The following MBOAT1 variants were observed in gnomAD, a reference collection of about 807,000 sequenced individuals.
The protein encoded by MBOAT1 is membrane bound glycerophospholipid O-acyltransferase 1.
A neutral mutation model predicts 64.4 loss-of-function variants in MBOAT1; 67 were observed. The observed-to-expected ratio is 1.04, with a 90% CI of 0.85 to 1.27. The LOEUF (loss-of-function observed/expected upper bound fraction) is 1.27. MBOAT1 is among the 50% of genes most tolerant of loss of function. MBOAT1 has a pLI of 0.00. For missense variants in MBOAT1, 563 were observed against 604.6 expected (o/e 0.93, Z 0.72); for synonymous variants, 229 against 218.9 (o/e 1.05, Z -0.41).
chr6:20,193,604 CTTTTTTT>C (rs367932037), intron 1 of MBOAT1, among the ~76,000 whole-genome samples: 1 of 129,740 alleles, frequency 7.7e-6, no homozygotes, highest in Non-Finnish European at 1.6e-5. Context: ...ACCAAAAATC[CTTTTTTT>C]TTTTTTTTTT....
At chr6:20,117,694 G>A (rs1174465723) in intron 9 of MBOAT1, among the ~76,000 whole-genome samples, 1 of 152,178 alleles carries the variant, frequency 6.6e-6, no homozygotes, top group East Asian at 1.9e-4. Context: ...TGTCTGCCCT[G>A]TGGCAGGTGG....
intron 1 of MBOAT1, among the ~76,000 whole-genome samples, chr6:20,207,832 A>G (rs1037958115): frequency 6.6e-6 from 1 of 152,248 alleles, no homozygotes; most frequent in African/African-American, 2.4e-5. Flanking sequence ...CGACGGCACC[A>G]TCTACAAACC....
intron 5 of MBOAT1, 118 bp from the exon 6 acceptor site, chr6:20,128,871 T>C (rs1035174584): frequency 4.7e-5 from 34 of 716,814 alleles, no homozygotes; most frequent in Middle Eastern, 7.4e-4. Context: ...TCATAAATCA[T>C]AAAGAGTTCC....
chr6:20,113,044 C>T (rs1229058778), intron 10 of MBOAT1, 36 bp from the exon 11 acceptor site: 46 of 1,600,356 alleles, frequency 2.9e-5, no homozygotes, highest in Non-Finnish European at 3.8e-5. Flanking sequence ...ACAGGTGAAA[C>T]ATACCAGAAA....
intron 5 of MBOAT1, among the ~76,000 whole-genome samples, chr6:20,129,335 G>A (rs905070816): frequency 2.6e-5 from 4 of 152,152 alleles, no homozygotes; most frequent in Non-Finnish European, 4.4e-5. Flanking sequence ...TCATTCGTCC[G>A]AATCAGAAAA....
intron 12 of MBOAT1, among the ~76,000 whole-genome samples, chr6:20,103,887 T>A (rs1398423685): frequency 6.6e-6 from 1 of 152,248 alleles, no homozygotes; most frequent in Non-Finnish European, 1.5e-5. Flanking sequence ...ATGGTGTTTC[T>A]AAAGTCTACA....
At chr6:20,209,210 T>C (rs1316158482) in intron 1 of MBOAT1, among the ~76,000 whole-genome samples, 1 of 152,234 alleles carries the variant, frequency 6.6e-6, no homozygotes, top group African/African-American at 2.4e-5. Flanking sequence ...GAAGCATCTA[T>C]AGAGGCCCCT....
chr6:20,148,306 A>G (rs1003626964), intron 3 of MBOAT1, among the ~76,000 whole-genome samples: 1 of 152,164 alleles, frequency 6.6e-6, no homozygotes, highest in Non-Finnish European at 1.5e-5. Flanking sequence ...AATCTCAGCT[A>G]CTTGGGAGGC....
chr6:20,176,713 T>A (rs1010585494), intron 1 of MBOAT1, among the ~76,000 whole-genome samples: 1 of 152,178 alleles, frequency 6.6e-6, no homozygotes, highest in African/African-American at 2.4e-5. Flanking sequence ...AACCTCTGCC[T>A]CCTGGGTTCA....
At chr6:20,156,532 G>A (rs954121172) in intron 1 of MBOAT1, among the ~76,000 whole-genome samples, 15 of 152,224 alleles carry the variant, frequency 9.9e-5, no homozygotes, top group African/African-American at 3.6e-4. Context: ...GAGGGTTCTA[G>A]CAGATATAGG....
chr6:20,175,340 C>G (rs1243659553), intron 1 of MBOAT1, among the ~76,000 whole-genome samples: 1 of 151,950 alleles, frequency 6.6e-6, no homozygotes, highest in Non-Finnish European at 1.5e-5. Flanking sequence ...AACCCTGTAA[C>G]CTCAAAATCC....
intron 11 of MBOAT1, 23 bp downstream of exon 11, chr6:20,112,853 C>A (rs1295074471): frequency 6.2e-7 from 1 of 1,606,846 alleles, no homozygotes; most frequent in African/African-American, 1.3e-5. Flanking sequence ...AGGGGAAAGA[C>A]CCTAGGCCTA....
At chr6:20,205,680 T>C (rs982700370) in intron 1 of MBOAT1, among the ~76,000 whole-genome samples, 1 of 152,148 alleles carries the variant, frequency 6.6e-6, no homozygotes, top group Non-Finnish European at 1.5e-5. Flanking sequence ...TCTGCAACTC[T>C]GTGGACCTGG....
chr6:20,158,821 C>T (rs1236493003), intron 1 of MBOAT1, among the ~76,000 whole-genome samples: 1 of 152,190 alleles, frequency 6.6e-6, no homozygotes, highest in Non-Finnish European at 1.5e-5. Context: ...CAGAAATGCT[C>T]AACATCTCTA....
Position 20,100,591 on chromosome 6 carries a change from G to C in MBOAT1, c.*1695C>G, listed in dbSNP as rs1759758960. Among the ~76,000 whole-genome samples, 1 of 152,122 alleles carries C rather than the reference G, an allele frequency of 6.6e-6. No homozygotes were observed. Among genetic ancestry groups the C allele is most frequent in the Admixed American group, 6.6e-5 (1 of 15,262 alleles). ...CCAGGACTGTTTACATGCTGTAGAG[G>C]AACAGGCACATCACATTCACATTTC... On this transcript the variant is annotated 3_prime_UTR_variant, in exon 13 of 13. Transcript: ENST00000324607.
At chr6:20,135,185 C>T (rs1045139424) in intron 4 of MBOAT1, among the ~76,000 whole-genome samples, 1 of 151,928 alleles carries the variant, frequency 6.6e-6, no homozygotes, top group Non-Finnish European at 1.5e-5. Context: ...TGAAGTAGGG[C>T]TATTTTACTA....
chr6:20,121,225 A>G (rs1170601121), intron 8 of MBOAT1, among the ~76,000 whole-genome samples: 1 of 152,268 alleles, frequency 6.6e-6, no homozygotes, highest in Non-Finnish European at 1.5e-5. Flanking sequence ...TAATTAGTAC[A>G]TCAATTATAT....
At chr6:20,188,609 T>C (rs780857984) in intron 1 of MBOAT1, among the ~76,000 whole-genome samples, 2 of 152,144 alleles carry the variant, frequency 1.3e-5, no homozygotes, top group Admixed American at 1.3e-4. Flanking sequence ...ATGCAAAGCC[T>C]TTTATAAGAA....
intron 1 of MBOAT1, among the ~76,000 whole-genome samples, chr6:20,177,761 G>A (rs1762386907): frequency 1.6e-5 from 2 of 126,982 alleles, no homozygotes; most frequent in Non-Finnish European, 3.2e-5. Flanking sequence ...GCAACAGAGT[G>A]AGACTCCGTC....
Sources: gnomAD v4.1 joint callset for allele counts (sites outside exome capture counted in the v4.1 genomes callset) on GRCh38, gnomAD v4.1.1 for gene constraint, MANE v1.5 for transcripts, NCBI Gene and HGNC (gene_info 2026-07-23, HGNC 2026-07-21) for gene names.